CDC42BPB: variants seen among roughly 807,000 people sequenced by gnomAD.
The protein encoded by CDC42BPB is CDC42 binding protein kinase beta.
In CDC42BPB, 37 loss-of-function variants were observed where a neutral mutation model predicts 214.9. The observed-to-expected ratio is 0.17, with a 90% CI of 0.13 to 0.23. The LOEUF (loss-of-function observed/expected upper bound fraction) is 0.23. Ranked by LOEUF, CDC42BPB falls within the 10% of genes least tolerant of loss-of-function variation. CDC42BPB has a pLI of 1.00. For missense variants in CDC42BPB, 1,694 were observed against 2,227.0 expected (o/e 0.76, Z 4.82); for synonymous variants, 931 against 884.0 (o/e 1.05, Z -0.94).
At chr14:102,950,990 A>T (rs566296286) in intron 24 of CDC42BPB, among the ~76,000 whole-genome samples, 29 of 152,220 alleles carry the variant, frequency 1.9e-4, no homozygotes, top group African/African-American at 6.7e-4. Context: ...AAACAAAACA[A>T]ACAAAAAATA....
intron 5 of CDC42BPB, among the ~76,000 whole-genome samples, chr14:102,996,390 G>C (rs1894739299): frequency 1.3e-5 from 2 of 152,150 alleles, no homozygotes; most frequent in African/African-American, 4.8e-5. Context: ...TTTAGGGGGA[G>C]AAAAACAATT....
intron 5 of CDC42BPB, among the ~76,000 whole-genome samples, chr14:102,991,861 T>C (rs1039511887): frequency 2.6e-5 from 4 of 152,242 alleles, no homozygotes; most frequent in African/African-American, 9.6e-5. Context: ...ATATATATAG[T>C]ATTTTAAAAC....
intron 14 of CDC42BPB, 66 bp downstream of exon 14, chr14:102,970,085 T>G: frequency 7.9e-7 from 1 of 1,272,344 alleles, no homozygotes; most frequent in Non-Finnish European, 1.1e-6. Flanking sequence ...GTGACTTCCA[T>G]GTGGTGGCGT....
chr14:102,977,069 C>T (rs368124998), intron 9 of CDC42BPB, among the ~76,000 whole-genome samples: 13 of 152,138 alleles, frequency 8.5e-5, no homozygotes, highest in East Asian at 7.7e-4. Context: ...CAGCCGGGCG[C>T]GGTGGCTCAC....
chr14:102,970,301 G>A (rs550936775), intron 13 of CDC42BPB, 40 bp from the exon 14 acceptor site: 6 of 1,574,688 alleles, frequency 3.8e-6, no homozygotes, highest in Non-Finnish European at 5.2e-6. Flanking sequence ...CAAAAAGCGA[G>A]CCCTGCTTCA....
In CDC42BPB at chr14:102,950,557, T is replaced by TG. The variant is rs1283001163; in HGVS notation, c.3217dup (p.Gln1073ProfsTer51). On this transcript the variant is annotated frameshift_variant, in exon 25 of 37. Coordinates refer to ENST00000361246, the MANE Select transcript of CDC42BPB (RefSeq NM_006035.4). LOFTEE classifies it high-confidence loss of function. ...CTGCTCGGGAGGTATTGGGCACACC[T>TG]GGGGGGCACCGTCTTTGCAGGACAC... The TG allele has an allele frequency of 1.9e-6, 3 of 1,608,654 alleles. No individual in the cohort carries two copies. The highest frequency in any genetic ancestry group is 1.7e-5 in the Admixed American group (1 of 59,116).
rs546904871 is a variant in CDC42BPB, at chr14:103,057,288, C to G, written c.-115G>C. 3.6e-4 allele frequency: 396 copies of G among 1,103,846 alleles called. No homozygotes were observed. The African/African-American group carries it at 6.3e-3, about 17-fold the overall frequency. 68.4% of individuals were successfully genotyped at this position (1,103,846 alleles called of 1,614,324 possible). ...CGAGCCCCGGCAGCAGCGGCGCCTC[C>G]TCGCCGCCCCGTCCGCGTCGTCGCG... On this transcript the variant is annotated 5_prime_UTR_variant, in exon 1 of 37. Transcript: ENST00000361246.
At position 102,939,915 on chromosome 14, in the gene CDC42BPB, T is replaced by C. The variant is rs544013491; in HGVS notation, c.4624A>G (p.Asn1542Asp). 2 of 1,613,898 alleles carry C rather than the reference T, an allele frequency of 1.2e-6. No homozygotes were observed. The highest frequency in any genetic ancestry group is 1.7e-6 in the Non-Finnish European group (2 of 1,180,050). The change falls in exon 33 of 37, where the codon AAC becomes GAC. Residue 1542 changes from asparagine (N) to aspartate (D), a missense_variant. By Grantham distance (23) the Asn-to-Asp change is conservative. Coordinates refer to ENST00000361246, the MANE Select transcript of CDC42BPB (RefSeq NM_006035.4). ...AVLNVPDTSD[N>D]SKKQMLRTRS... ...GTGCGCAGCATCTGCTTCTTGCTGT[T>C]GTCGGAGGTGTCCGGCACGTTGAGA...
intron 1 of CDC42BPB, among the ~76,000 whole-genome samples, chr14:103,033,493 A>G (rs1887505020): frequency 6.6e-6 from 1 of 152,182 alleles, no homozygotes; most frequent in Non-Finnish European, 1.5e-5. Flanking sequence ...AAGTGCTGGG[A>G]TTACAGGTGT....
intron 12 of CDC42BPB, among the ~76,000 whole-genome samples, chr14:102,972,688 C>CAAAAAAAAAAAAAAA (rs56956413): frequency 4.4e-5 from 2 of 44,978 alleles, no homozygotes; most frequent in African/African-American, 9.5e-5. Flanking sequence ...GACTCTGCCT[C>CAAAAAAAAAAAAAAA]AAAAAAAAAA....
At chr14:102,948,940 G>C (rs1385109590) in intron 26 of CDC42BPB, among the ~76,000 whole-genome samples, 1 of 152,032 alleles carries the variant, frequency 6.6e-6, no homozygotes, top group Non-Finnish European at 1.5e-5. Context: ...TATGCTGCCA[G>C]GTGATGCCGA....
At chr14:102,964,395 G>A in intron 19 of CDC42BPB, 107 bp downstream of exon 19, 1 of 1,353,382 alleles carries the variant, frequency 7.4e-7, no homozygotes, top group Non-Finnish European at 1.0e-6. Flanking sequence ...CAAACGCCGT[G>A]GCCCCGATTT....
chr14:102,964,255 G>A (rs978514367), intron 19 of CDC42BPB, among the ~76,000 whole-genome samples: 2 of 152,232 alleles, frequency 1.3e-5, no homozygotes, highest in Admixed American at 6.5e-5. Flanking sequence ...GTCAAAACAC[G>A]GCTCGCACCG....
At position 102,980,918 on chromosome 14, in the gene CDC42BPB, C is replaced by A; in HGVS notation, c.995G>T (p.Gly332Val). ...CSRERRLGQN[G>V]IEDFKKHAFF... is the part of the protein sequence containing the mutation. ...CGCATGCTTTTTGAAATCCTCTATTCCATTCTGCCCCAGCCGGCGTTCTCT... is the reference window on the plus strand; with the variant it reads ...CGCATGCTTTTTGAAATCCTCTATTACATTCTGCCCCAGCCGGCGTTCTCT... The change falls in exon 8 of 37, where the codon GGA becomes GTA. Residue 332 changes from glycine to valine, a missense_variant. Around this residue, in one of 7 missense-constraint regions of CDC42BPB, gnomAD observed 225 missense variants for 459.3 expected, o/e 0.49. Coordinates refer to ENST00000361246, the MANE Select transcript of CDC42BPB (RefSeq NM_006035.4). 6.2e-7 allele frequency: 1 copy of A among 1,614,190 alleles called. No individual in the cohort carries two copies. The highest frequency in any genetic ancestry group is 8.5e-7 in the Non-Finnish European group (1 of 1,180,032).
chr14:102,996,485 A>G (rs1432132295), intron 5 of CDC42BPB, among the ~76,000 whole-genome samples: 1 of 152,234 alleles, frequency 6.6e-6, no homozygotes, highest in East Asian at 1.9e-4. Context: ...AGTTCTACCA[A>G]GAAGACAGTA....
At chr14:102,996,347 AAAAG>A (rs1894736718) in intron 5 of CDC42BPB, among the ~76,000 whole-genome samples, 1 of 152,174 alleles carries the variant, frequency 6.6e-6, no homozygotes, top group African/African-American at 2.4e-5. Flanking sequence ...CTCAAAAAAG[AAAAG>A]AGAGAGAGAA....
chr14:102,957,632 AAAAC>A (rs997529901), intron 21 of CDC42BPB, among the ~76,000 whole-genome samples: 9 of 152,380 alleles, frequency 5.9e-5, no homozygotes, highest in East Asian at 3.8e-4. Flanking sequence ...CCAGTTTGAT[AAAAC>A]AAACAAACAT....
rs147781622 is a variant in CDC42BPB at position 102,968,352 on chromosome 14, G to T, written c.2247C>A (p.Asn749Lys). 1.9e-6 allele frequency: 3 copies of T among 1,613,604 alleles called. No homozygotes were observed. Among genetic ancestry groups the T allele is most frequent in the African/African-American group, 1.3e-5 (1 of 74,814 alleles). The change falls in exon 16 of 37, where the codon AAC becomes AAA. Residue 749 changes from asparagine (N) to lysine (K), a missense_variant. Coordinates refer to ENST00000361246, the MANE Select transcript of CDC42BPB (RefSeq NM_006035.4). ...KLEKSKRERH[N>K]EMEEAVGTIK... ...TTGTACCTACTGCCTCCTCCATCTC[G>T]TTATGCCTGCCAAGGTGAGCGAGAA...
chr14:103,018,455 C>T (rs1349253391), intron 1 of CDC42BPB, among the ~76,000 whole-genome samples: 3 of 152,182 alleles, frequency 2.0e-5, no homozygotes, highest in South Asian at 2.1e-4. Context: ...CAGCCACCAC[C>T]GCCCCATTAA....
Sources: gnomAD v4.1 joint callset for allele counts (sites outside exome capture counted in the v4.1 genomes callset) on GRCh38, gnomAD v4.1.1 for gene constraint, gnomAD v4.1.1 regional missense constraint, MANE v1.5 for transcripts, NCBI Gene and HGNC (gene_info 2026-07-23, HGNC 2026-07-21) for gene names.